Variants in RERE observed in about 807,000 individuals in gnomAD.
RERE encodes arginine-glutamic acid dipeptide repeats protein.
RERE carries 40 observed loss-of-function variants against 146.1 expected under a neutral mutation model. That is an observed-to-expected ratio of 0.27 (90% CI 0.21 to 0.36). The LOEUF is 0.36. Ranked by LOEUF, RERE falls within the 10% of genes least tolerant of loss-of-function variation. The pLI, the probability that RERE is intolerant of heterozygous loss-of-function variation, is 1.00. For missense variants in RERE, 1,933 were observed against 2,138.7 expected, an observed-to-expected ratio of 0.90 and a Z score of 1.90; for synonymous variants, 1,003 against 866.0, an observed-to-expected ratio of 1.16 and a Z score of -2.78.
rs145647831 is a variant in RERE, at chr1:8,592,650, A to C, written c.522+21911T>G. On this transcript the variant is annotated intron_variant, in intron 4 of 22. Transcript: ENST00000400908. The stretch of plus-strand genomic sequence containing the variant: ...TAATTCCAGCACTTTGGGAGGCCTA[A>C]GTGAGAAGAATGCTTGTGGCCAGGA... Among the ~76,000 whole-genome samples, 560 of 152,178 alleles carry C rather than the reference A, an allele frequency of 3.7e-3. 5 individuals are homozygous for C. Among genetic ancestry groups the C allele is most frequent in the African/African-American group, 0.013 (538 of 41,566 alleles).
intron 1 of RERE, among the ~76,000 whole-genome samples, chr1:8,764,026 A>G (rs535373450): frequency 2.0e-5 from 3 of 152,204 alleles, no homozygotes; most frequent in Admixed American, 1.3e-4. Flanking sequence ...AAGCTAACTC[A>G]AGGTCAAGAA....
intron 3 of RERE, among the ~76,000 whole-genome samples, chr1:8,621,715 G>A (rs965336679): frequency 3.3e-5 from 5 of 152,268 alleles, no homozygotes; most frequent in African/African-American, 9.6e-5. Context: ...CACTAGTCAT[G>A]TTATTTGCTG....
intron 12 of RERE, among the ~76,000 whole-genome samples, chr1:8,394,678 A>G (rs1256303514): frequency 6.6e-6 from 1 of 152,232 alleles, no homozygotes; most frequent in Non-Finnish European, 1.5e-5. Flanking sequence ...GACAAATCAT[A>G]AGGTCTGAGT....
intron 1 of RERE, among the ~76,000 whole-genome samples, chr1:8,801,459 G>A (rs1641590671): frequency 2.0e-5 from 3 of 152,106 alleles, no homozygotes; most frequent in Middle Eastern, 3.4e-3. Context: ...AGTAGAGATG[G>A]GGTTTCTCCA....
At chr1:8,634,822 G>T (rs1394211200) in intron 2 of RERE, among the ~76,000 whole-genome samples, 1 of 152,230 alleles carries the variant, frequency 6.6e-6, no homozygotes, top group East Asian at 1.9e-4. Context: ...TGCAAGCTCC[G>T]CCTCCCAGGT....
intron 4 of RERE, among the ~76,000 whole-genome samples, chr1:8,582,934 T>TA (rs1405043946): frequency 1.3e-5 from 2 of 152,134 alleles, no homozygotes; most frequent in African/African-American, 2.4e-5. Context: ...AGAAAAAACT[T>TA]ACATGCTTGT....
chr1:8,725,294 G>A (rs1016396425), intron 1 of RERE, among the ~76,000 whole-genome samples: 11 of 152,194 alleles, frequency 7.2e-5, no homozygotes, highest in African/African-American at 2.4e-4. Flanking sequence ...GGCCGGATGC[G>A]GTGGCTCACG....
chr1:8,388,102 G>A (rs1029100659), intron 12 of RERE, among the ~76,000 whole-genome samples: 1 of 152,146 alleles, frequency 6.6e-6, no homozygotes, highest in Non-Finnish European at 1.5e-5. Context: ...GGATAAAGGG[G>A]AATGAAAACA....
chr1:8,467,402 G>A (rs1047019921), intron 10 of RERE, among the ~76,000 whole-genome samples: 1 of 152,224 alleles, frequency 6.6e-6, no homozygotes, highest in Non-Finnish European at 1.5e-5. Context: ...TTTAGGCAAA[G>A]ACCTATGGAA....
intron 12 of RERE, among the ~76,000 whole-genome samples, chr1:8,416,311 C>T (rs75534994): frequency 0.025 from 3,806 of 152,190 alleles, 144 homozygotes; most frequent in African/African-American, 0.08. Flanking sequence ...CACGGTCAGG[C>T]GCGGTGGCTC....
chr1:8,553,484 G>A (rs1645965402), intron 6 of RERE, among the ~76,000 whole-genome samples: 2 of 151,766 alleles, frequency 1.3e-5, no homozygotes, highest in South Asian at 2.1e-4. Flanking sequence ...ACACTCACGC[G>A]ACACTGCACC....
In RERE at chr1:8,805,162, A is replaced by G. The variant is rs184770810; in HGVS notation, c.-145+11998T>C. ...TAGGATTACAGATGCCCGCCACCAT[A>G]CCCAGCTATTAAATAATTTTGAATA... is the stretch of plus-strand genomic sequence containing the variant. On this transcript the variant is annotated intron_variant, in intron 1 of 22. Coordinates refer to ENST00000400908, the MANE Select transcript of RERE (RefSeq NM_001042681.2). 2.5e-3 allele frequency among the ~76,000 whole-genome samples: 382 copies of G among 151,136 alleles called. 4 individuals are homozygous for G. Among genetic ancestry groups the G allele is most frequent in the Middle Eastern group, 6.8e-3 (2 of 292 alleles).
intron 1 of RERE, among the ~76,000 whole-genome samples, chr1:8,784,843 T>C (rs997405879): frequency 6.6e-6 from 1 of 152,074 alleles, no homozygotes; most frequent in South Asian, 2.1e-4. Flanking sequence ...AAAAAGACAG[T>C]CCACTACAAT....
rs70982795 is a variant in RERE, at chr1:8,591,428, TA to T, written c.522+23132del. ...ATGGCCATCAGCACTCTTTTTGCTT[TA>T]AAAAAAAAAAAAAGAAAAGAAAAGC... is the stretch of plus-strand genomic sequence containing the variant. On this transcript the variant is annotated intron_variant, in intron 4 of 22. Transcript: ENST00000400908. 5.6e-3 allele frequency among the ~76,000 whole-genome samples: 798 copies of T among 142,340 alleles called. 2 individuals are homozygous for T. Among genetic ancestry groups the T allele is most frequent in the Middle Eastern group, 0.011 (3 of 274 alleles). 93.4% of individuals were successfully genotyped at this position (142,340 alleles called of 152,430 possible). A position where few individuals can be genotyped will look rare whatever the true frequency, so the allele number is the denominator to read the frequency against.
At chr1:8,585,533 C>T (rs1000554420) in intron 4 of RERE, among the ~76,000 whole-genome samples, 6 of 152,116 alleles carry the variant, frequency 3.9e-5, no homozygotes, top group African/African-American at 1.4e-4. Flanking sequence ...TGCTGCAAGA[C>T]ATGTACAAGA....
chr1:8,658,437 A>C (rs1638376546), intron 1 of RERE, among the ~76,000 whole-genome samples: 1 of 152,226 alleles, frequency 6.6e-6, no homozygotes, highest in African/African-American at 2.4e-5. Context: ...ATCAGTTTGC[A>C]GTTACATGCT....
At chr1:8,783,387 T>C (rs999064188) in intron 1 of RERE, among the ~76,000 whole-genome samples, 1 of 152,178 alleles carries the variant, frequency 6.6e-6, no homozygotes, top group Admixed American at 6.5e-5. Flanking sequence ...TCAAAATACA[T>C]CCAGAAGTCA....
intron 12 of RERE, among the ~76,000 whole-genome samples, chr1:8,416,594 A>G (rs1202353462): frequency 6.7e-6 from 1 of 150,246 alleles, no homozygotes; most frequent in African/African-American, 2.4e-5. Context: ...TCCAAAAAAA[A>G]AAAAAAAAGA....
chr1:8,389,682 G>T (rs1397691585), intron 12 of RERE, among the ~76,000 whole-genome samples: 1 of 152,236 alleles, frequency 6.6e-6, no homozygotes, highest in African/African-American at 2.4e-5. Flanking sequence ...GGGAGGAGAA[G>T]TCGGGGAGCC....
Sources: gnomAD v4.1 joint callset for allele counts (sites outside exome capture counted in the v4.1 genomes callset) on GRCh38, gnomAD v4.1.1 for gene constraint, MANE v1.5 for transcripts, NCBI Gene and HGNC (gene_info 2026-07-23, HGNC 2026-07-21) for gene names.